Variants in ANKRD30A observed in about 807,000 individuals in gnomAD.
ANKRD30A encodes the protein ankyrin repeat domain-containing protein 30A.
Under a neutral mutation model 166.3 loss-of-function variants are expected in ANKRD30A, and 170 were observed. The ratio of observed to expected loss-of-function variants is 1.02; its 90% confidence interval spans 0.90 to 1.16. The LOEUF (loss-of-function observed/expected upper bound fraction) is 1.16, where lower values mean the gene tolerates loss of function less well. Among genes scored for constraint, ANKRD30A ranks in the 50% most tolerant of loss-of-function variants. ANKRD30A has a pLI of 0.00. For missense variants in ANKRD30A, 1,630 were observed against 1,518.0 expected (o/e 1.07, Z -1.23); for synonymous variants, 564 against 508.9 (o/e 1.11, Z -1.46).
chr10:37,223,289 A>T (rs1365657456), intron 34 of ANKRD30A, among the ~76,000 whole-genome samples: 1 of 151,290 alleles, frequency 6.6e-6, no homozygotes, highest in Admixed American at 6.6e-5. Flanking sequence ...CATACACTTT[A>T]TCTAAAGAAA....
intron 1 of ANKRD30A, among the ~76,000 whole-genome samples, chr10:37,126,587 C>G (rs1014148393): frequency 1.3e-5 from 2 of 152,130 alleles, no homozygotes; most frequent in Admixed American, 6.5e-5. Flanking sequence ...TCATTTTTCT[C>G]AGGATGCGAG....
rs185736836 is a variant in ANKRD30A at position 37,153,067 on chromosome 10, T to A, written c.1708-505T>A. The stretch of plus-strand genomic sequence containing the variant: ...CCCTGTTTACCGAAAGGAAGCAGCT[T>A]TTTCATATTCTGTGCATACATTCTG... On this transcript the variant is annotated intron_variant, in intron 12 of 35. Transcript: ENST00000361713. Among the ~76,000 whole-genome samples, 25 of 152,288 alleles carry A rather than the reference T, an allele frequency of 1.6e-4. No individual in the cohort carries two copies. The East Asian group carries it at 4.0e-3, about 25-fold the overall frequency.
At chr10:37,222,252 C>T (rs1168673736) in intron 34 of ANKRD30A, among the ~76,000 whole-genome samples, 2 of 151,224 alleles carry the variant, frequency 1.3e-5, no homozygotes, top group African/African-American at 4.8e-5. Context: ...ATCACCACCG[C>T]CCACCTCCAT....
intron 18 of ANKRD30A, among the ~76,000 whole-genome samples, chr10:37,165,810 G>A (rs1424100811): frequency 1.3e-5 from 2 of 152,114 alleles, no homozygotes; most frequent in Non-Finnish European, 2.9e-5. Context: ...TCAAATCATA[G>A]TGATGTATTT....
At chr10:37,239,129 G>A in the ANKRD30A span, among the ~76,000 whole-genome samples, 1 of 152,032 alleles carries the variant, frequency 6.6e-6, no homozygotes, top group Non-Finnish European at 1.5e-5. Flanking sequence ...CACTTGCAAT[G>A]GAGCTTGAAA....
At chr10:37,193,860 C>G (rs1840814539) in intron 27 of ANKRD30A, among the ~76,000 whole-genome samples, 2 of 151,676 alleles carry the variant, frequency 1.3e-5, no homozygotes, top group Admixed American at 1.3e-4. Flanking sequence ...TACAAAAGAG[C>G]CTGAATTAGT....
intron 16 of ANKRD30A, 26 bp downstream of exon 16, chr10:37,162,703 G>T: frequency 6.2e-7 from 1 of 1,612,884 alleles, no homozygotes; most frequent in East Asian, 2.2e-5. Context: ...ATTTCATTTT[G>T]AATGACTTAT....
chr10:37,260,240 A>T, the ANKRD30A span, among the ~76,000 whole-genome samples: 1 of 152,176 alleles, frequency 6.6e-6, no homozygotes, highest in East Asian at 1.9e-4. Context: ...TACAATTTTG[A>T]ATAGCTATTT....
chr10:37,163,191 A>G (rs1451383068), intron 17 of ANKRD30A, among the ~76,000 whole-genome samples: 1 of 132,070 alleles, frequency 7.6e-6, no homozygotes, highest in Non-Finnish European at 1.6e-5. Context: ...TTCAAATTCC[A>G]CGGTTTACTT....
At position 37,134,001 on chromosome 10, in the gene ANKRD30A, G is replaced by A. The variant is rs879156792; in HGVS notation, c.703G>A (p.Asp235Asn). 6.2e-7 allele frequency: 1 copy of A among 1,614,126 alleles called. No individual in the cohort carries two copies. Among genetic ancestry groups the A allele is most frequent in the Non-Finnish European group, 8.5e-7 (1 of 1,179,996 alleles). ...GCAAAATGTTGACGTCTTTGCTGCA[G>A]ATATATGTGGAGTAACTGCAGAACA... ...LQQNVDVFAADICGVTAEHYA... is the reference protein window; with the variant it reads ...LQQNVDVFAANICGVTAEHYA... Residue 235 changes from aspartate (D) to asparagine (N), a missense_variant, in exon 5 of 36, where the codon GAT becomes AAT. Transcript: ENST00000361713.
At chr10:37,263,418 T>G in the ANKRD30A span, among the ~76,000 whole-genome samples, 2 of 151,852 alleles carry the variant, frequency 1.3e-5, no homozygotes, top group East Asian at 3.9e-4. Context: ...TACATTGTAA[T>G]GTATAAGAAA....
the ANKRD30A span, among the ~76,000 whole-genome samples, chr10:37,253,998 C>G: frequency 6.6e-6 from 1 of 152,156 alleles, no homozygotes; most frequent in African/African-American, 2.4e-5. Context: ...TGTATCAGCA[C>G]TTCATTAATG....
chr10:37,172,159 C>T (rs1431536916), intron 21 of ANKRD30A, among the ~76,000 whole-genome samples: 2 of 101,650 alleles, frequency 2.0e-5, no homozygotes, highest in East Asian at 2.2e-4. Context: ...TCCTGACTAA[C>T]GCGGTGAAAC....
At chr10:37,230,065 A>G (rs1294834012) in intron 34 of ANKRD30A, among the ~76,000 whole-genome samples, 1 of 152,000 alleles carries the variant, frequency 6.6e-6, no homozygotes, top group Non-Finnish European at 1.5e-5. Context: ...TTAAGAGAGC[A>G]TGATATTGTT....
chr10:37,208,148 A>G (rs1265601995), intron 31 of ANKRD30A, among the ~76,000 whole-genome samples: 1 of 152,094 alleles, frequency 6.6e-6, no homozygotes, highest in Non-Finnish European at 1.5e-5. Flanking sequence ...ATGACCACTC[A>G]GGACATAGAA....
At chr10:37,216,070 G>T (rs1228705141) in intron 31 of ANKRD30A, 111 bp from the exon 32 acceptor site, 1 of 663,946 alleles carries the variant, frequency 1.5e-6, no homozygotes, top group East Asian at 3.0e-5. Context: ...CCTTCCACGT[G>T]GTAGGCAATC....
At chr10:37,161,932 G>A (rs1314142800) in intron 15 of ANKRD30A, among the ~76,000 whole-genome samples, 2 of 152,082 alleles carry the variant, frequency 1.3e-5, no homozygotes, top group African/African-American at 2.4e-5. Context: ...GATAAATATT[G>A]TGGTGACTTA....
chr10:37,215,268 T>C (rs1197032535), intron 31 of ANKRD30A, among the ~76,000 whole-genome samples: 3 of 151,484 alleles, frequency 2.0e-5, no homozygotes, highest in Non-Finnish European at 3.0e-5. Flanking sequence ...TCTATAAAAA[T>C]AGACACTCTT....
In ANKRD30A at chr10:37,172,551, T is replaced by TC. The variant is rs1340347564; in HGVS notation, c.2258-1161_2258-1160insC. On this transcript the variant is annotated intron_variant, in intron 21 of 35. Coordinates refer to ENST00000361713, the MANE Select transcript of ANKRD30A (RefSeq NM_052997.3). ...AGGTTTTTTTTTAATTTCTTTTTTT[T>TC]TTTTTTTTTTTTTTTAGTAGAAGCA... Among the ~76,000 whole-genome samples the TC allele has an allele frequency of 1.4e-4, 20 of 146,414 alleles. No individual in the cohort carries two copies. The East Asian group carries it at 2.9e-3, about 21-fold the overall frequency.
Sources: allele counts gnomAD v4.1 joint callset (sites outside exome capture counted in the v4.1 genomes callset), GRCh38; gene constraint gnomAD v4.1.1; transcripts MANE v1.5; gene names NCBI Gene and HGNC (gene_info 2026-07-23, HGNC 2026-07-21).